TNFRSF10B: variants seen among roughly 807,000 people sequenced by gnomAD.
TNFRSF10B encodes the protein TNF receptor superfamily member 10b.
A neutral mutation model predicts 41.4 loss-of-function variants in TNFRSF10B; 35 were observed. That is an observed-to-expected ratio of 0.85 (90% CI 0.65 to 1.12). TNFRSF10B has a LOEUF of 1.12. TNFRSF10B is among the 50% of genes most tolerant of loss of function. The pLI, the probability that TNFRSF10B is intolerant of heterozygous loss-of-function variation, is 0.00. For missense variants in TNFRSF10B, 584 were observed against 552.7 expected, an observed-to-expected ratio of 1.06 and a Z score of -0.57; for synonymous variants, 230 against 215.5, an observed-to-expected ratio of 1.07 and a Z score of -0.59.
chr8:23,020,909 G>T lies in TNFRSF10B; in HGVS notation c.*1762C>A. 1 of 454,062 alleles carries T rather than the reference G, an allele frequency of 2.2e-6. No homozygotes were observed. Among genetic ancestry groups the T allele is most frequent in the South Asian group, 1.6e-5 (1 of 64,470 alleles). The allele number at this position is 454,062 out of a possible 1,614,324, so 28.1% of individuals were successfully genotyped here. A position where few individuals can be genotyped will look rare whatever the true frequency, so the allele number is the denominator to read the frequency against. Reference sequence around the variant, plus strand: ...CTTCCAGAAGTGCAGGGGACAACGCGTGGGATGCCAGATGGAAGTGGGAGA... The same window carrying T: ...CTTCCAGAAGTGCAGGGGACAACGCTTGGGATGCCAGATGGAAGTGGGAGA... On this transcript the variant is annotated 3_prime_UTR_variant, in exon 9 of 9. Transcript: ENST00000276431.
intron 2 of TNFRSF10B, among the ~76,000 whole-genome samples, chr8:23,033,580 C>T (rs1343358399): frequency 5.6e-5 from 5 of 90,072 alleles, no homozygotes; most frequent in African/African-American, 1.0e-4. Flanking sequence ...AGCGAGACTC[C>T]GTCTCAAAAA....
intron 3 of TNFRSF10B, among the ~76,000 whole-genome samples, chr8:23,030,077 C>A (rs981549784): frequency 6.6e-6 from 1 of 152,104 alleles, no homozygotes; most frequent in Non-Finnish European, 1.5e-5. Context: ...CCCCAAGGCC[C>A]AGCCTGCTGG....
In TNFRSF10B at chr8:23,020,517, C is replaced by A. The variant is rs1585201784; in HGVS notation, c.*2154G>T. 2.2e-6 allele frequency: 1 copy of A among 450,222 alleles called. No individual in the cohort carries two copies. Among genetic ancestry groups the A allele is most frequent in the Non-Finnish European group, 4.5e-6 (1 of 224,176 alleles). 27.9% of individuals were successfully genotyped at this position (450,222 alleles called of 1,614,324 possible). On this transcript the variant is annotated 3_prime_UTR_variant, in exon 9 of 9. Transcript: ENST00000276431. Reference sequence around the variant, plus strand: ...GACCAGCCTGACCAACATGGTGAAACCCCGTCTCTACTAAAAATACAAAAA... The same window carrying A: ...GACCAGCCTGACCAACATGGTGAAAACCCGTCTCTACTAAAAATACAAAAA...
Position 23,028,397 on chromosome 8 carries a change from C to A in TNFRSF10B, c.682G>T (p.Ala228Ser). ...AGTAAAGACTTGCAAACAAACACAG[C>A]CACAATCAAGACTACGGCTGCAACT... ...VTVAAVVLIV[A>S]VFVCKSLLWK... is the part of the protein sequence containing the mutation. Residue 228 changes from alanine to serine, a missense_variant, in exon 5 of 9, where the codon GCT (alanine) becomes TCT (serine). Ala to Ser is a moderately conservative substitution (Grantham distance 99). Coordinates refer to ENST00000276431, the MANE Select transcript of TNFRSF10B (RefSeq NM_003842.5). 6.2e-7 allele frequency: 1 copy of A among 1,614,182 alleles called. No homozygotes were observed. Among genetic ancestry groups the A allele is most frequent in the Non-Finnish European group, 8.5e-7 (1 of 1,180,018 alleles).
chr8:23,049,062 A>G (rs992224156), intron 1 of TNFRSF10B, among the ~76,000 whole-genome samples: 2 of 152,236 alleles, frequency 1.3e-5, no homozygotes, highest in African/African-American at 4.8e-5. Flanking sequence ...AGCATGGAAA[A>G]TAACAAGTGC....
chr8:23,029,531 G>A (rs1369470275), intron 4 of TNFRSF10B, 79 bp downstream of exon 4: 17 of 1,405,646 alleles, frequency 1.2e-5, no homozygotes, highest in Non-Finnish European at 1.6e-5. Flanking sequence ...GTGCTGTCAG[G>A]GGAGAGACAG....
At chr8:23,053,236 G>T (rs143239523) in intron 1 of TNFRSF10B, among the ~76,000 whole-genome samples, 3 of 152,194 alleles carry the variant, frequency 2.0e-5, no homozygotes, top group African/African-American at 7.2e-5. Flanking sequence ...CTGCATTTCT[G>T]TCTAGGTCGT....
intron 1 of TNFRSF10B, among the ~76,000 whole-genome samples, chr8:23,059,787 C>T (rs1812777753): frequency 6.6e-6 from 1 of 152,184 alleles, no homozygotes; most frequent in Non-Finnish European, 1.5e-5. Flanking sequence ...GTGGGGATTA[C>T]AGGCATGAGC....
intron 1 of TNFRSF10B, among the ~76,000 whole-genome samples, chr8:23,048,360 C>T (rs769232974): frequency 4.0e-5 from 6 of 148,738 alleles, no homozygotes; most frequent in Admixed American, 6.8e-5. Flanking sequence ...CACTTGAACC[C>T]GGGAGGCGGA....
At chr8:23,064,948 C>T (rs1266525643) in intron 1 of TNFRSF10B, among the ~76,000 whole-genome samples, 1 of 152,238 alleles carries the variant, frequency 6.6e-6, no homozygotes, top group Non-Finnish European at 1.5e-5. Flanking sequence ...ACTACCATGA[C>T]CTGGAGCCTT....
At chr8:23,059,234 T>C (rs1812755090) in intron 1 of TNFRSF10B, among the ~76,000 whole-genome samples, 1 of 152,240 alleles carries the variant, frequency 6.6e-6, no homozygotes, top group South Asian at 2.1e-4. Flanking sequence ...CATTATCTAT[T>C]GATCTGTCCA....
chr8:23,055,521 T>TAAAAAAAAAAAA (rs34761330), intron 1 of TNFRSF10B, among the ~76,000 whole-genome samples: 92 of 120,490 alleles, frequency 7.6e-4, no homozygotes, highest in Non-Finnish European at 1.4e-3. Flanking sequence ...ATTAAATGCT[T>TAAAAAAAAAAAA]AAAAAAAAAA....
At chr8:23,027,909 C>T (rs1811758776) in intron 5 of TNFRSF10B, 156 bp from the exon 6 acceptor site, 2 of 803,356 alleles carry the variant, frequency 2.5e-6, no homozygotes, top group East Asian at 5.3e-5. Flanking sequence ...CTCAGAGACA[C>T]CCTGAGGAAG....
In TNFRSF10B at chr8:23,068,891, C is replaced by T. The variant is rs1056740211; in HGVS notation, c.4G>A (p.Glu2Lys). The part of the protein sequence containing the change: M[E>K]QRGQNAPAAS... ...GCCGGGGCGTTCTGTCCCCGTTGTT[C>T]CATGGCGGTAGGGAACGCTCTTATA... Residue 2 changes from glutamate (E) to lysine (K), a missense_variant, in exon 1 of 9, where the codon GAA (glutamate) becomes AAA (lysine). Coordinates refer to ENST00000276431, the MANE Select transcript of TNFRSF10B (RefSeq NM_003842.5). 6.2e-7 allele frequency: 1 copy of T among 1,613,494 alleles called. No homozygotes were observed. Among genetic ancestry groups the T allele is most frequent in the Non-Finnish European group, 8.5e-7 (1 of 1,179,956 alleles).
rs1563307424 is a variant in TNFRSF10B at position 23,028,388 on chromosome 8, C to T, written c.691G>A (p.Val231Ile). The change falls in exon 5 of 9, where the codon GTT (valine) becomes ATT (isoleucine). Residue 231 changes from valine (V) to isoleucine (I), a missense_variant. By Grantham distance (29) the Val-to-Ile change is conservative. Coordinates refer to ENST00000276431, the MANE Select transcript of TNFRSF10B (RefSeq NM_003842.5). ...TTCTTCCACAGTAAAGACTTGCAAA[C>T]AAACACAGCCACAATCAAGACTACG... Reference protein sequence around the residue: ...AAVVLIVAVFVCKSLLWKKVL... With the variant: ...AAVVLIVAVFICKSLLWKKVL... The T allele has an allele frequency of 5.6e-6, 9 of 1,614,160 alleles. No homozygotes were observed. In the South Asian group the frequency reaches 9.9e-5, roughly 18 times the overall value.
Position 23,040,278 on chromosome 8 carries a change from ATATAT to A in TNFRSF10B, c.250+2855_250+2859del, listed in dbSNP as rs1428080858. ...TATATATTTATTAAATATATATATA[ATATAT>A]ATTTATTAAATATATATAATATATA... On this transcript the variant is annotated intron_variant, in intron 2 of 8. Transcript: ENST00000276431. Among the ~76,000 whole-genome samples the A allele has an allele frequency of 2.3e-5, 2 of 86,990 alleles. 1 individual carries two copies. The highest frequency in any genetic ancestry group is 5.3e-5 in the Non-Finnish European group (2 of 37,504). The allele number at this position is 86,990 out of a possible 152,430, so 57.1% of individuals were successfully genotyped here. A position where few individuals can be genotyped will look rare whatever the true frequency, so the allele number is the denominator to read the frequency against.
At chr8:23,047,356 T>C (rs1257914975) in intron 1 of TNFRSF10B, among the ~76,000 whole-genome samples, 2 of 63,198 alleles carry the variant, frequency 3.2e-5, no homozygotes, top group Non-Finnish European at 5.8e-5. Context: ...AAATTTCATC[T>C]CAAAAAAAAA....
In TNFRSF10B at chr8:23,033,585, CAAAAAAAAAAAAAAAAAAA is replaced by C. The variant is rs59282000; in HGVS notation, c.251-2732_251-2714del. ...CCTGGGCGACAGCGAGACTCCGTCTCAAAAAAAAAAAAAAAAAAAAAAAAAAAAAAAAAAAAGAACCCTG... is the reference window on the plus strand; with the variant it reads ...CCTGGGCGACAGCGAGACTCCGTCTCAAAAAAAAAAAAAAAAAGAACCCTG... On this transcript the variant is annotated intron_variant, in intron 2 of 8. Transcript: ENST00000276431. Among the ~76,000 whole-genome samples the C allele has an allele frequency of 7.2e-3, 449 of 62,292 alleles. 6 individuals carry two copies. The highest frequency in any genetic ancestry group is 0.033 in the African/African-American group (427 of 13,102). 40.9% of individuals were successfully genotyped at this position (62,292 alleles called of 152,430 possible).
intron 1 of TNFRSF10B, among the ~76,000 whole-genome samples, chr8:23,051,756 G>A (rs920711809): frequency 1.3e-5 from 2 of 152,040 alleles, no homozygotes; most frequent in Non-Finnish European, 2.9e-5. Flanking sequence ...TGTTAGCCAG[G>A]ATGGTCTCCA....
Sources: gnomAD v4.1 joint callset for allele counts (sites outside exome capture counted in the v4.1 genomes callset) on GRCh38, gnomAD v4.1.1 for gene constraint, MANE v1.5 for transcripts, NCBI Gene and HGNC (gene_info 2026-07-23, HGNC 2026-07-21) for gene names.